Variants in NRXN1 observed in about 807,000 individuals in gnomAD.
The protein encoded by NRXN1 is neurexin-1.
A neutral mutation model predicts 150.9 loss-of-function variants in NRXN1; 39 were observed. The observed-to-expected ratio is 0.26, with a 90% CI of 0.20 to 0.34. The LOEUF (loss-of-function observed/expected upper bound fraction) is 0.34. Ranked by LOEUF, NRXN1 falls within the 10% of genes least tolerant of loss-of-function variation. The pLI is 1.00. For synonymous variants in NRXN1, 924 were observed against 757.0 expected (o/e 1.22, Z -3.62); for missense variants, 1,815 against 1,949.9 (o/e 0.93, Z 1.30).
intron 5 of NRXN1, among the ~76,000 whole-genome samples, chr2:50,722,489 G>C (rs1696801016): frequency 1.3e-5 from 2 of 152,022 alleles, no homozygotes; most frequent in African/African-American, 2.4e-5. Context: ...TTAATGATTT[G>C]GGGATACGTT....
rs970317193 is a variant in NRXN1 at position 50,210,687 on chromosome 2, T to C, written c.3546+26102A>G. ...CAAGCAGGAACACATATTTCATTGT[T>C]GTTTTGACTATGAATAAAAACCCTT... On this transcript the variant is annotated intron_variant, in intron 18 of 22. Transcript: ENST00000401669. Among the ~76,000 whole-genome samples, 3 of 151,818 alleles carry C rather than the reference T, an allele frequency of 2.0e-5. 1 individual carries two copies. In the South Asian group the frequency reaches 6.2e-4, roughly 31 times the overall value.
At chr2:50,652,426 A>T (rs981395556) in intron 5 of NRXN1, among the ~76,000 whole-genome samples, 2 of 152,038 alleles carry the variant, frequency 1.3e-5, no homozygotes, top group Non-Finnish European at 2.9e-5. Flanking sequence ...AGCAAACACT[A>T]ATCTTTTTGT....
intron 21 of NRXN1, among the ~76,000 whole-genome samples, chr2:50,020,036 G>C (rs1025242402): frequency 6.9e-6 from 1 of 144,376 alleles, no homozygotes; most frequent in Non-Finnish European, 1.5e-5. Flanking sequence ...TTTCAGAGGA[G>C]CATGTAGTGC....
intron 2 of NRXN1, among the ~76,000 whole-genome samples, chr2:51,020,038 T>A (rs1445355456): frequency 6.6e-6 from 1 of 151,886 alleles, no homozygotes; most frequent in African/African-American, 2.4e-5. Flanking sequence ...CTGAACAGCA[T>A]TTCTGTTTTA....
At chr2:50,205,205 G>T (rs2062478248) in intron 18 of NRXN1, among the ~76,000 whole-genome samples, 1 of 152,064 alleles carries the variant, frequency 6.6e-6, no homozygotes, top group Non-Finnish European at 1.5e-5. Flanking sequence ...AATATATCAT[G>T]TGGCCTTGAG....
intron 1 of NRXN1, among the ~76,000 whole-genome samples, chr2:51,029,488 T>C (rs766640462): frequency 1.2e-4 from 18 of 152,242 alleles, no homozygotes; most frequent in East Asian, 3.9e-4. Context: ...TTTCGCAAGA[T>C]AGTTTAATTT....
intron 18 of NRXN1, among the ~76,000 whole-genome samples, chr2:50,143,152 T>C (rs1241671169): frequency 2.0e-5 from 3 of 148,478 alleles, no homozygotes; most frequent in Admixed American, 1.4e-4. Flanking sequence ...AAGAGAAAGG[T>C]AGTAAGGAGG....
At chr2:50,084,397 C>T (rs112868401) in intron 19 of NRXN1, among the ~76,000 whole-genome samples, 19 of 152,282 alleles carry the variant, frequency 1.2e-4, no homozygotes, top group African/African-American at 2.6e-4. Context: ...AGCGCAGTGC[C>T]GGTGGGCCGG....
chr2:50,125,790 C>T (rs372289746), intron 18 of NRXN1, among the ~76,000 whole-genome samples: 45 of 152,076 alleles, frequency 3.0e-4, no homozygotes, highest in African/African-American at 1.0e-3. Context: ...CATGCATACA[C>T]ATATGCCCAC....
chr2:50,350,593 C>G (rs964454009), intron 17 of NRXN1, among the ~76,000 whole-genome samples: 1 of 152,148 alleles, frequency 6.6e-6, no homozygotes, highest in African/African-American at 2.4e-5. Flanking sequence ...ATTTGTTATT[C>G]TCTTGATTGC....
chr2:50,539,213 C>A (rs1445998937), intron 9 of NRXN1, among the ~76,000 whole-genome samples: 1 of 152,050 alleles, frequency 6.6e-6, no homozygotes, highest in African/African-American at 2.4e-5. Flanking sequence ...ATATTACCTA[C>A]CTTATAGAGT....
chr2:49,948,884 T>G (rs1011845834), intron 21 of NRXN1, among the ~76,000 whole-genome samples: 4 of 151,934 alleles, frequency 2.6e-5, no homozygotes, highest in Non-Finnish European at 1.5e-5. Context: ...TAACAGTCCA[T>G]TTAGATGAGT....
intron 18 of NRXN1, among the ~76,000 whole-genome samples, chr2:50,164,694 C>T (rs779188011): frequency 1.3e-4 from 20 of 152,138 alleles, no homozygotes; most frequent in Non-Finnish European, 2.6e-4. Flanking sequence ...GCAACCCCCA[C>T]CGCCTAATCC....
chr2:50,980,372 T>G (rs192569114), intron 2 of NRXN1, among the ~76,000 whole-genome samples: 18 of 152,212 alleles, frequency 1.2e-4, no homozygotes, highest in Non-Finnish European at 5.9e-5. Context: ...CATTCAAAAG[T>G]TTTTACCTAA....
intron 21 of NRXN1, among the ~76,000 whole-genome samples, chr2:50,008,895 T>C (rs11891637): frequency 0.1 from 15,729 of 152,100 alleles, 855 homozygotes; most frequent in Middle Eastern, 0.21. Context: ...GTATGTTTGG[T>C]TGTGAGAGGG....
At chr2:50,292,306 G>A (rs1000932915) in intron 17 of NRXN1, among the ~76,000 whole-genome samples, 1 of 152,138 alleles carries the variant, frequency 6.6e-6, no homozygotes, top group Non-Finnish European at 1.5e-5. Context: ...ATTGTCTAGG[G>A]CTGTTTTTGT....
intron 2 of NRXN1, among the ~76,000 whole-genome samples, chr2:50,936,097 A>G (rs944811710): frequency 3.3e-5 from 5 of 152,166 alleles, no homozygotes; most frequent in Admixed American, 3.3e-4. Flanking sequence ...CATTTAATCC[A>G]TATGTCCCAA....
In NRXN1 at chr2:50,522,719, C is replaced by CCTTTTT. The variant is rs1323306682; in HGVS notation, c.2374+5905_2374+5906insAAAAAG. 7.2e-3 allele frequency among the ~76,000 whole-genome samples: 627 copies of CCTTTTT among 86,540 alleles called. 238 individuals are homozygous for CCTTTTT. The highest frequency in any genetic ancestry group is 0.03 in the African/African-American group (509 of 16,762). The allele number at this position is 86,540 out of a possible 152,430, so 56.8% of individuals were successfully genotyped here. A position where few individuals can be genotyped will look rare whatever the true frequency, so the allele number is the denominator to read the frequency against. On this transcript the variant is annotated intron_variant, in intron 12 of 22. Transcript: ENST00000401669. The stretch of plus-strand genomic sequence containing the variant: ...TTCCATTTATTCATTTATTTTTATT[C>CCTTTTT]ATTTTTTTTTTTTTTTTTTTTTTTT...
intron 5 of NRXN1, among the ~76,000 whole-genome samples, chr2:50,819,636 G>C (rs770394209): frequency 9.2e-5 from 14 of 151,906 alleles, no homozygotes; most frequent in Non-Finnish European, 2.1e-4. Context: ...ATTAACAATA[G>C]AGTCCTGCAC....
Sources: gnomAD v4.1 joint callset for allele counts (sites outside exome capture counted in the v4.1 genomes callset) on GRCh38, gnomAD v4.1.1 for gene constraint, MANE v1.5 for transcripts, NCBI Gene and HGNC (gene_info 2026-07-23, HGNC 2026-07-21) for gene names.